KIAA0753: variants seen among roughly 807,000 people sequenced by gnomAD.
KIAA0753 encodes the protein protein moonraker.
In KIAA0753, 114 loss-of-function variants were observed where a neutral mutation model predicts 116.9. That is an observed-to-expected ratio of 0.98 (90% confidence interval 0.84 to 1.14). KIAA0753 has a LOEUF of 1.14. Among genes scored for constraint, KIAA0753 ranks in the 50% most tolerant of loss-of-function variants. The probability of loss-of-function intolerance (pLI) is 0.00; values close to 1 mark genes in which losing one functional copy is unlikely to be tolerated. For missense variants in KIAA0753, 1,156 were observed against 1,172.4 expected (o/e 0.99, Z 0.20); for synonymous variants, 405 against 413.1 (o/e 0.98, Z 0.24).
In KIAA0753 at chr17:6,635,089, C is replaced by G; in HGVS notation, c.15G>C (p.Gln5His). The change falls in exon 2 of 19, where the codon CAG becomes CAC. Residue 5 changes from glutamine (Q) to histidine (H), a missense_variant. Gln to His is a conservative substitution (Grantham distance 24, BLOSUM62 0). Coordinates refer to ENST00000361413, the MANE Select transcript of KIAA0753 (RefSeq NM_014804.3). The stretch of plus-strand genomic sequence containing the variant: ...CTAGATGAACACAGGTTGAAGCTGG[C>G]TGGCCTGGTCCCATAATGTCAGGTA... MGPG[Q>H]PASTCVHLAP... 6.2e-7 allele frequency: 1 copy of G among 1,613,718 alleles called. No individual in the cohort carries two copies. The highest frequency in any genetic ancestry group is 8.5e-7 in the Non-Finnish European group (1 of 1,179,630).
chr17:6,601,974 T>C (rs890797754), intron 12 of KIAA0753, among the ~76,000 whole-genome samples: 2 of 152,156 alleles, frequency 1.3e-5, no homozygotes, highest in East Asian at 1.9e-4. Flanking sequence ...AAAATTCTAA[T>C]AGGCAAAAGA....
chr17:6,579,886 TA>T (rs1312317113), intron 18 of KIAA0753, 22 bp from the exon 19 acceptor site: 1 of 1,583,048 alleles, frequency 6.3e-7, no homozygotes. Flanking sequence ...ACAACACAAC[TA>T]AAGGTATGTA....
At chr17:6,634,923 T>C (rs897502632) in intron 2 of KIAA0753, 88 bp downstream of exon 2, 2 of 816,596 alleles carry the variant, frequency 2.4e-6, no homozygotes, top group South Asian at 3.1e-5. Context: ...ATCTAGGAGG[T>C]GATTTCAAAA....
chr17:6,592,196 C>T (rs769523980), intron 16 of KIAA0753, among the ~76,000 whole-genome samples: 3 of 152,166 alleles, frequency 2.0e-5, no homozygotes, highest in Non-Finnish European at 4.4e-5. Flanking sequence ...ACAGAGAGCA[C>T]ACAAAAGGTA....
At chr17:6,594,277 ACC>A (rs34010703) in intron 16 of KIAA0753, among the ~76,000 whole-genome samples, 81,414 of 142,006 alleles carry the variant, frequency 0.57, 22,982 homozygotes, top group East Asian at 0.72. Context: ...TCAGATTCTG[ACC>A]CCCCCCCCCA....
chr17:6,635,219 A>G lies in KIAA0753; in HGVS notation c.-68-48T>C, dbSNP rs1187616154. 6.8e-6 allele frequency: 5 copies of G among 740,660 alleles called. No homozygotes were observed. The African/African-American group carries it at 8.6e-5, about 13-fold the overall frequency. The allele number at this position is 740,660 out of a possible 1,614,324, so 45.9% of individuals were successfully genotyped here. ...CAGACCAACAGCGTTGAACAAGGGA[A>G]AAGAACAGATAAAACACAGTGCCAT... On this transcript the variant is annotated intron_variant, in intron 1 of 18. Coordinates refer to ENST00000361413, the MANE Select transcript of KIAA0753 (RefSeq NM_014804.3).
intron 16 of KIAA0753, among the ~76,000 whole-genome samples, 194 bp downstream of exon 16, chr17:6,594,778 T>G (rs1969345556): frequency 6.6e-6 from 1 of 152,214 alleles, no homozygotes; most frequent in Non-Finnish European, 1.5e-5. Context: ...TGTGCAACTT[T>G]GAAATGCGAA....
Position 6,609,972 on chromosome 17 carries a change from G to A in KIAA0753, c.1712+22C>T, listed in dbSNP as rs748637362. On this transcript the variant is annotated intron_variant, in intron 9 of 18. Coordinates refer to ENST00000361413, the MANE Select transcript of KIAA0753 (RefSeq NM_014804.3). ...GAAAAAGAGCATCACATACACAAAC[G>A]GTCCCTTGAGTTTTCACATACCATT... The A allele has an allele frequency of 2.5e-6, 4 of 1,611,988 alleles. No homozygotes were observed. The South Asian group carries it at 3.3e-5, about 13-fold the overall frequency.
At position 6,639,633 on chromosome 17, in the gene KIAA0753, C is replaced by G. The variant is rs988579498; in HGVS notation, c.-69+1004G>C. ...GCCCTGAGGGGGCCCGAGGGATCCC[C>G]CTTGCCTGTTCCTTCACCCAGGGCC... On this transcript the variant is annotated intron_variant, in intron 1 of 18. Transcript: ENST00000361413. The surrounding 1 kb of genome is among the most constrained non-coding windows in gnomAD (Gnocchi z 4.3). 8 of 153,096 alleles carry G rather than the reference C, an allele frequency of 5.2e-5. No individual in the cohort carries two copies. The highest frequency in any genetic ancestry group is 1.9e-4 in the African/African-American group (8 of 41,442). The allele number at this position is 153,096 out of a possible 1,614,324, so 9.5% of individuals were successfully genotyped here. A position where few individuals can be genotyped will look rare whatever the true frequency, so the allele number is the denominator to read the frequency against.
intron 7 of KIAA0753, among the ~76,000 whole-genome samples, chr17:6,618,969 C>A (rs1416508645): frequency 6.6e-6 from 1 of 152,142 alleles, no homozygotes; most frequent in East Asian, 1.9e-4. Flanking sequence ...TGGCTCATGC[C>A]TGTAATCCCA....
chr17:6,633,572 A>G (rs1972130465), intron 2 of KIAA0753, among the ~76,000 whole-genome samples: 1 of 152,222 alleles, frequency 6.6e-6, no homozygotes, highest in Non-Finnish European at 1.5e-5. Context: ...TGTTCATAAA[A>G]AGATCTGTAT....
chr17:6,633,101 G>GA (rs890066340), intron 2 of KIAA0753, among the ~76,000 whole-genome samples: 4 of 151,924 alleles, frequency 2.6e-5, no homozygotes, highest in Non-Finnish European at 5.9e-5. Flanking sequence ...TTATTTTCAG[G>GA]AAAAAAATAC....
Position 6,622,912 on chromosome 17 carries a change from A to G in KIAA0753, c.1074T>C (p.Asp358=). The change falls in exon 6 of 19, where the codon GAT becomes GAC. Residue 358 remains aspartate, a synonymous_variant. Transcript: ENST00000361413. ...VKLDADPSVP[D]VVIDILQQIE... ...TTTGTTGCAGAATATCTATAACCAC[A>G]TCAGGAACAGAAGGGTCTGCATCCA... 3 of 1,614,148 alleles carry G rather than the reference A, an allele frequency of 1.9e-6. No homozygotes were observed. The highest frequency in any genetic ancestry group is 1.7e-6 in the Non-Finnish European group (2 of 1,179,980).
chr17:6,612,241 A>C, intron 7 of KIAA0753, 93 bp from the exon 8 acceptor site: 1 of 886,766 alleles, frequency 1.1e-6, no homozygotes, highest in Non-Finnish European at 1.8e-6. Flanking sequence ...GGCTCCAAAT[A>C]CCTATCCTAG....
intron 7 of KIAA0753, among the ~76,000 whole-genome samples, chr17:6,616,060 T>C (rs1970908245): frequency 6.6e-6 from 1 of 152,044 alleles, no homozygotes. Flanking sequence ...GAGTGATACC[T>C]AAAACAGAAA....
chr17:6,640,260 C>T lies in KIAA0753; in HGVS notation c.-69+377G>A, dbSNP rs138465873. ...CCACGCAGCGACCCGGCATCTTAGC[C>T]GCCTGCTCTCCCCGGCGCAGCCTGG... On this transcript the variant is annotated intron_variant, in intron 1 of 18. Transcript: ENST00000361413. 646 of 152,942 alleles carry T rather than the reference C, an allele frequency of 4.2e-3. 4 individuals are homozygous for T. Among genetic ancestry groups the T allele is most frequent in the Middle Eastern group, 0.027 (8 of 298 alleles). The allele number at this position is 152,942 out of a possible 1,614,324, so 9.5% of individuals were successfully genotyped here.
chr17:6,610,123 G>C lies in KIAA0753; in HGVS notation c.1583C>G (p.Pro528Arg). The C allele has an allele frequency of 1.2e-6, 2 of 1,614,104 alleles. No homozygotes were observed. The highest frequency in any genetic ancestry group is 1.7e-6 in the Non-Finnish European group (2 of 1,180,006). ...CTGCTGCACTCTGCTTTTACTGTGA[G>C]GTTGGCTTTGTCTACCTCTTTCAGC... Reference protein sequence around the residue: ...RKAERGRQSQPHSKSRVQQTT... With the variant: ...RKAERGRQSQRHSKSRVQQTT... Residue 528 changes from proline (P) to arginine (R), a missense_variant, in exon 9 of 19, where the codon CCT becomes CGT. Pro to Arg is a moderately radical substitution (Grantham distance 103). Transcript: ENST00000361413.
rs138047148 is a variant in KIAA0753, at chr17:6,624,206, G to A, written c.825+549C>T. ...AAAAATCCATCACAATGTAAAGAAC[G>A]TAAATGCCTGTGTATCCGCTACTAA... On this transcript the variant is annotated intron_variant, in intron 4 of 18. Transcript: ENST00000361413. Among the ~76,000 whole-genome samples the A allele has an allele frequency of 7.6e-3, 1,164 of 152,240 alleles. 12 individuals are homozygous for A. Among genetic ancestry groups the A allele is most frequent in the African/African-American group, 0.026 (1,062 of 41,544 alleles).
chr17:6,611,808 G>A lies in KIAA0753; in HGVS notation c.1545+111C>T. On this transcript the variant is annotated intron_variant, in intron 8 of 18. Transcript: ENST00000361413. ...AAACAACTTAAATAGCCAGACTCAA[G>A]GACTGCAGCATCCAATTGCCTGAGA... 1.7e-5 allele frequency: 13 copies of A among 787,136 alleles called. No individual in the cohort carries two copies. In the South Asian group the frequency reaches 2.0e-4, roughly 12 times the overall value. 48.8% of individuals were successfully genotyped at this position (787,136 alleles called of 1,614,324 possible). A position where few individuals can be genotyped will look rare whatever the true frequency, so the allele number is the denominator to read the frequency against.
Sources: allele counts gnomAD v4.1 joint callset (sites outside exome capture counted in the v4.1 genomes callset), GRCh38; gene constraint gnomAD v4.1.1; non-coding constraint Gnocchi (gnomAD v3.1); transcripts MANE v1.5; gene names NCBI Gene and HGNC (gene_info 2026-07-23, HGNC 2026-07-21).